Variants in IGF2BP1 observed in about 807,000 individuals in gnomAD.
The protein encoded by IGF2BP1 is insulin-like growth factor 2 mRNA-binding protein 1.
In IGF2BP1, 11 loss-of-function variants were observed where a neutral mutation model predicts 74.9. The observed-to-expected ratio is 0.15, with a 90% CI of 0.09 to 0.24. The LOEUF (loss-of-function observed/expected upper bound fraction) is 0.24, where lower values mean the gene tolerates loss of function less well. Ranked by LOEUF, IGF2BP1 falls within the 10% of genes least tolerant of loss-of-function variation. The probability of loss-of-function intolerance (pLI) is 1.00; values close to 1 mark genes in which losing one functional copy is unlikely to be tolerated. For missense variants in IGF2BP1, 440 were observed against 757.4 expected (o/e 0.58, Z 4.92); for synonymous variants, 287 against 281.8 (o/e 1.02, Z -0.18).
At chr17:48,998,060 C>G (rs997100251) in intron 1 of IGF2BP1, 140 bp downstream of exon 1, 6 of 804,964 alleles carry the variant, frequency 7.5e-6, no homozygotes, top group Admixed American at 5.9e-5. Flanking sequence ...CTCGACCTAC[C>G]CCCTTCGATG....
chr17:49,028,107 G>T (rs894160962), intron 4 of IGF2BP1, among the ~76,000 whole-genome samples: 1 of 152,024 alleles, frequency 6.6e-6, no homozygotes, highest in African/African-American at 2.4e-5. Flanking sequence ...AGGCTGCAGT[G>T]AGCTGTGATT....
At chr17:49,010,792 T>C (rs1195547782) in intron 2 of IGF2BP1, among the ~76,000 whole-genome samples, 2 of 151,368 alleles carry the variant, frequency 1.3e-5, no homozygotes, top group East Asian at 3.9e-4. Flanking sequence ...CAGGAAAAAC[T>C]GAGAGTACAG....
chr17:49,024,676 A>G (rs17708997), intron 2 of IGF2BP1, among the ~76,000 whole-genome samples: 12,838 of 152,242 alleles, frequency 0.084, 627 homozygotes, highest in Non-Finnish European at 0.11. Context: ...AAAGGTCAGT[A>G]TTAGTAAGTG....
chr17:49,035,630 CA>C (rs1214304248), intron 5 of IGF2BP1, among the ~76,000 whole-genome samples: 1 of 152,176 alleles, frequency 6.6e-6, no homozygotes, highest in Non-Finnish European at 1.5e-5. Flanking sequence ...CGTGCACCTG[CA>C]GCGGTGGGGG....
intron 5 of IGF2BP1, among the ~76,000 whole-genome samples, chr17:49,034,763 AAC>A (rs1255059194): frequency 5.0e-5 from 7 of 139,750 alleles, no homozygotes; most frequent in African/African-American, 2.0e-4. Flanking sequence ...AAACAAAAAA[AAC>A]AAAAAAAACG....
Position 49,042,378 on chromosome 17 carries a change from G to A in IGF2BP1, c.1077+1G>A. 1 of 1,614,122 alleles carries A rather than the reference G, an allele frequency of 6.2e-7. No homozygotes were observed. Among genetic ancestry groups the A allele is most frequent in the East Asian group, 2.2e-5 (1 of 44,874 alleles). ...TGAGAATGATGTGGCTGCCATGAGC[G>A]TGAGTGCTGGGTAGTACCCTCTGCT... On this transcript the variant is annotated splice_donor_variant, in intron 9 of 14. Coordinates refer to ENST00000290341, the MANE Select transcript of IGF2BP1 (RefSeq NM_006546.4). LOFTEE classifies it high-confidence loss of function.
At chr17:49,040,125 C>T (rs373385641) in intron 7 of IGF2BP1, 34 bp downstream of exon 7, 6 of 1,610,992 alleles carry the variant, frequency 3.7e-6, no homozygotes, top group Non-Finnish European at 5.1e-6. Context: ...TCTTCAGGGT[C>T]TGCTAGTCCA....
Position 49,041,372 on chromosome 17 carries a change from C to T in IGF2BP1, c.819-6C>T, listed in dbSNP as rs2042050321. The T allele has an allele frequency of 5.6e-6, 9 of 1,613,854 alleles. 1 individual carries two copies. Among genetic ancestry groups the T allele is most frequent in the Non-Finnish European group, 7.6e-6 (9 of 1,179,932 alleles). ...TGTCTTCCACTTCTTCCTTTGTCTT[C>T]CCAAGGGCTGACGAGGTTCCCCTGA... is the stretch of plus-strand genomic sequence containing the variant. On this transcript the variant is annotated splice_region_variant and splice_polypyrimidine_tract_variant and intron_variant, in intron 7 of 14. Coordinates refer to ENST00000290341, the MANE Select transcript of IGF2BP1 (RefSeq NM_006546.4).
intron 2 of IGF2BP1, among the ~76,000 whole-genome samples, chr17:49,022,370 A>G (rs1364412185): frequency 2.6e-5 from 4 of 152,228 alleles, no homozygotes; most frequent in Non-Finnish European, 5.9e-5. Context: ...CAAGGGCTTA[A>G]AAGACAAAGG....
At chr17:49,003,426 G>C (rs1281602886) in intron 2 of IGF2BP1, among the ~76,000 whole-genome samples, 1 of 152,048 alleles carries the variant, frequency 6.6e-6, no homozygotes, top group Admixed American at 6.6e-5. Flanking sequence ...GAGAAGTGGG[G>C]AACAGCAAGT....
intron 2 of IGF2BP1, chr17:49,014,790 A>T (rs2041672927): frequency 3.0e-6 from 3 of 985,106 alleles, no homozygotes; most frequent in Non-Finnish European, 3.6e-6. Context: ...GGCACTAAGG[A>T]CCCCGAGGAG....
chr17:49,017,072 G>T (rs760637595), intron 2 of IGF2BP1, among the ~76,000 whole-genome samples: 68 of 152,032 alleles, frequency 4.5e-4, no homozygotes, highest in Non-Finnish European at 7.4e-4. Context: ...GTGATTTTCT[G>T]GAAAAGGCAG....
intron 2 of IGF2BP1, chr17:49,015,064 GC>G (rs1390031321): frequency 7.7e-6 from 3 of 392,114 alleles, no homozygotes; most frequent in Non-Finnish European, 1.0e-5. Context: ...GAGTGCAGTG[GC>G]GTGATCTCGG....
At chr17:49,025,169 G>A (rs1450418335) in intron 2 of IGF2BP1, among the ~76,000 whole-genome samples, 1 of 152,184 alleles carries the variant, frequency 6.6e-6, no homozygotes, top group Admixed American at 6.5e-5. Context: ...TCCAGCCTGG[G>A]TGGCAGAGCG....
chr17:49,026,719 GCCTGCCTTCCTGCCTT>G (rs1156803278), intron 4 of IGF2BP1, among the ~76,000 whole-genome samples: 1 of 106,488 alleles, frequency 9.4e-6, no homozygotes, highest in Non-Finnish European at 2.0e-5. Flanking sequence ...CTGCCTTCCT[GCCTGCCTTCCTGCCTT>G]CCTGCCTGCC....
chr17:49,035,037 A>C (rs1374953990), intron 5 of IGF2BP1, among the ~76,000 whole-genome samples: 1 of 152,248 alleles, frequency 6.6e-6, no homozygotes, highest in African/African-American at 2.4e-5. Flanking sequence ...TAAAACTTAC[A>C]TCAAACTACG....
At chr17:49,037,703 G>A (rs2144111366) in intron 5 of IGF2BP1, among the ~76,000 whole-genome samples, 1 of 152,328 alleles carries the variant, frequency 6.6e-6, no homozygotes. Flanking sequence ...GGAGTATGTA[G>A]TAGTTAGCAG....
intron 8 of IGF2BP1, 83 bp downstream of exon 8, chr17:49,041,583 T>C (rs1883447826): frequency 1.9e-6 from 3 of 1,543,952 alleles, no homozygotes; most frequent in Admixed American, 1.8e-5. Context: ...AACCTTGATA[T>C]GTGCTCTTTT....
rs775599008 is a variant in IGF2BP1 at position 49,040,086 on chromosome 17, C to T, written c.813C>T (p.Thr271=). 1 of 1,613,968 alleles carries T rather than the reference C, an allele frequency of 6.2e-7. No homozygotes were observed. The highest frequency in any genetic ancestry group is 8.5e-7 in the Non-Finnish European group (1 of 1,179,978). ...LEIMHKEAKD[T]KTADEVPLKI... is the part of the protein sequence containing the mutation. The stretch of plus-strand genomic sequence containing the variant: ...TTATGCATAAAGAGGCTAAGGACAC[C>T]AAAACGTAAGTCTCCAGCTTTTCTT... The change falls in exon 7 of 15, where the codon ACC becomes ACT. Residue 271 remains threonine (T), a synonymous_variant. Coordinates refer to ENST00000290341, the MANE Select transcript of IGF2BP1 (RefSeq NM_006546.4).
Sources: gnomAD v4.1 joint callset for allele counts (sites outside exome capture counted in the v4.1 genomes callset) on GRCh38, gnomAD v4.1.1 for gene constraint, MANE v1.5 for transcripts, NCBI Gene and HGNC (gene_info 2026-07-23, HGNC 2026-07-21) for gene names.